The following FAR2 variants were observed in gnomAD, a reference collection of about 807,000 sequenced individuals.
The protein encoded by FAR2 is epididymis secretory protein Li 81.
Under a neutral mutation model 56.0 loss-of-function variants are expected in FAR2, and 19 were observed. The ratio of observed to expected loss-of-function variants is 0.34; its 90% CI spans 0.24 to 0.50. The LOEUF is 0.50. FAR2 is among the 20% of genes least tolerant of loss of function. The pLI, the probability that FAR2 is intolerant of heterozygous loss-of-function variation, is 0.98. For synonymous variants in FAR2, 219 were observed against 218.8 expected, an observed-to-expected ratio of 1.00 and a Z score of -0.01; for missense variants, 508 against 642.2, an observed-to-expected ratio of 0.79 and a Z score of 2.26.
chr12:29,267,921 G>T (rs1290376195), intron 1 of FAR2, among the ~76,000 whole-genome samples: 1 of 152,116 alleles, frequency 6.6e-6, no homozygotes, highest in East Asian at 1.9e-4. Context: ...TTGCATTGCT[G>T]GCCTCCCCTG....
intron 11 of FAR2, chr12:29,332,938 A>T: frequency 1.6e-6 from 1 of 631,842 alleles, no homozygotes; most frequent in Admixed American, 2.1e-5. Flanking sequence ...CCCCATTTTT[A>T]TGAGGCAGAT....
chr12:29,248,408 A>G (rs978852629), intron 1 of FAR2, among the ~76,000 whole-genome samples: 8 of 152,152 alleles, frequency 5.3e-5, no homozygotes, highest in African/African-American at 1.9e-4. Context: ...GATGCCCCAC[A>G]AGCCACAAAA....
intron 1 of FAR2, among the ~76,000 whole-genome samples, chr12:29,187,295 C>G (rs1950053568): frequency 6.6e-6 from 1 of 151,892 alleles, no homozygotes; most frequent in South Asian, 2.1e-4. Context: ...AATTTTTCTT[C>G]ATTTCTCTAG....
At chr12:29,320,221 G>A (rs1347094258) in intron 9 of FAR2, among the ~76,000 whole-genome samples, 1 of 152,054 alleles carries the variant, frequency 6.6e-6, no homozygotes, top group Non-Finnish European at 1.5e-5. Flanking sequence ...AAACAATAAA[G>A]ACCTTCTCTA....
At position 29,333,773 on chromosome 12, in the gene FAR2, A is replaced by G. The variant is rs1949764098; in HGVS notation, c.1527A>G (p.Ala509=). The G allele has an allele frequency of 1.2e-6, 2 of 1,613,550 alleles. No homozygotes were observed. Among genetic ancestry groups the G allele is most frequent in the African/African-American group, 2.7e-5 (2 of 74,912 alleles). ...FCYKFLSYFR[A]SSTLKV ...ATAAATTCCTCTCCTACTTTAGAGC[A>G]TCCAGCACGCTCAAAGTTTAAGAGC... Residue 509 remains alanine (A), a synonymous_variant, in exon 12 of 12, where the codon GCA becomes GCG. Transcript: ENST00000536681.
At chr12:29,163,961 G>A (rs1949803498) in intron 1 of FAR2, among the ~76,000 whole-genome samples, 1 of 152,190 alleles carries the variant, frequency 6.6e-6, no homozygotes, top group Admixed American at 6.5e-5. Context: ...AATGCAGATT[G>A]AACCATGCAC....
intron 1 of FAR2, among the ~76,000 whole-genome samples, chr12:29,169,649 A>G (rs988396091): frequency 1.3e-5 from 2 of 152,228 alleles, no homozygotes; most frequent in African/African-American, 4.8e-5. Flanking sequence ...GAAGGTGCAG[A>G]GTCCTCCTTT....
chr12:29,307,701 A>G lies in FAR2; in HGVS notation c.589A>G (p.Ile197Val), dbSNP rs544310464. ...AIIDEITPKL[I>V]RDWPNIYTYT... is the part of the protein sequence containing the mutation. Reference sequence around the variant, plus strand: ...TATTGACGAGATTACACCCAAGCTGATCAGAGATTGGCCCAATATTTATAC... The same window carrying G: ...TATTGACGAGATTACACCCAAGCTGGTCAGAGATTGGCCCAATATTTATAC... The change falls in exon 5 of 12, where the codon ATC becomes GTC. Residue 197 changes from isoleucine to valine, a missense_variant. Ile to Val is a conservative substitution (Grantham distance 29). Transcript: ENST00000536681. The G allele has an allele frequency of 4.3e-6, 7 of 1,613,822 alleles. No individual in the cohort carries two copies. In the African/African-American group the frequency reaches 9.3e-5, roughly 22 times the overall value.
At chr12:29,275,242 A>G (rs11833737) in intron 2 of FAR2, among the ~76,000 whole-genome samples, 65,755 of 151,442 alleles carry the variant, frequency 0.43, 15,351 homozygotes, top group African/African-American at 0.62. Flanking sequence ...GTTCTCTGGC[A>G]GGCAGGAGTG....
intron 1 of FAR2, among the ~76,000 whole-genome samples, chr12:29,186,755 A>ATTTAT (rs1481530321): frequency 1.1e-4 from 5 of 46,324 alleles, no homozygotes; most frequent in South Asian, 7.4e-4. Flanking sequence ...TTCTTTATTT[A>ATTTAT]TTATTTATTT....
chr12:29,275,158 AAG>A (rs914994199), intron 2 of FAR2, among the ~76,000 whole-genome samples: 109 of 151,686 alleles, frequency 7.2e-4, no homozygotes, highest in Non-Finnish European at 1.4e-3. Context: ...TGAGTCCGAA[AAG>A]AGAGTCAGCG....
intron 4 of FAR2, chr12:29,301,808 G>A (rs1270032572): frequency 6.6e-6 from 1 of 152,120 alleles, no homozygotes; most frequent in Non-Finnish European, 1.5e-5. Context: ...TACTAATCAC[G>A]GAGCAAAAAG....
At chr12:29,312,584 T>C (rs938138878) in intron 8 of FAR2, among the ~76,000 whole-genome samples, 2 of 152,184 alleles carry the variant, frequency 1.3e-5, no homozygotes, top group Admixed American at 6.5e-5. Flanking sequence ...TAGATGATTC[T>C]TGATGCTTGG....
intron 1 of FAR2, among the ~76,000 whole-genome samples, chr12:29,199,027 A>G (rs1486702201): frequency 6.6e-6 from 1 of 152,214 alleles, no homozygotes; most frequent in Admixed American, 6.5e-5. Context: ...CAGATGTGCA[A>G]ACAATTGCAG....
intron 1 of FAR2, among the ~76,000 whole-genome samples, chr12:29,206,182 G>T (rs1305461834): frequency 6.6e-6 from 1 of 152,156 alleles, no homozygotes; most frequent in Non-Finnish European, 1.5e-5. Flanking sequence ...GTGCAGAATT[G>T]AACCAAGCAG....
chr12:29,257,643 C>G (rs10771507), intron 1 of FAR2, among the ~76,000 whole-genome samples: 64,255 of 151,512 alleles, frequency 0.42, 14,433 homozygotes, highest in African/African-American at 0.59. Flanking sequence ...ACGAGCCCAC[C>G]GGGAGGAATG....
chr12:29,274,503 T>A (rs1948673304), intron 2 of FAR2, among the ~76,000 whole-genome samples: 1 of 152,108 alleles, frequency 6.6e-6, no homozygotes, highest in African/African-American at 2.4e-5. Context: ...GCAATAAACA[T>A]ACATGTGCAT....
At chr12:29,262,316 T>C (rs1438356947) in intron 1 of FAR2, among the ~76,000 whole-genome samples, 1 of 152,024 alleles carries the variant, frequency 6.6e-6, no homozygotes, top group Non-Finnish European at 1.5e-5. Flanking sequence ...AAACATACAA[T>C]GGATACCTTA....
intron 1 of FAR2, among the ~76,000 whole-genome samples, chr12:29,161,685 GCTTTAATAAAT>G (rs1205530873): frequency 6.6e-6 from 1 of 152,220 alleles, no homozygotes; most frequent in Non-Finnish European, 1.5e-5. Flanking sequence ...TATGCAAAGA[GCTTTAATAAAT>G]CTGCCAAAGC....
Sources: gnomAD v4.1 joint callset for allele counts (sites outside exome capture counted in the v4.1 genomes callset) on GRCh38, gnomAD v4.1.1 for gene constraint, MANE v1.5 for transcripts, NCBI Gene and HGNC (gene_info 2026-07-23, HGNC 2026-07-21) for gene names.